Variants in LPP observed in about 807,000 individuals in gnomAD.
The protein encoded by LPP is lipoma-preferred partner.
LPP carries 38 observed loss-of-function variants against 60.4 expected under a neutral mutation model. The observed-to-expected ratio is 0.63, with a 90% CI of 0.49 to 0.83. LPP has a LOEUF of 0.83. Ranked by LOEUF, LPP falls within the 40% of genes least tolerant of loss-of-function variation. The pLI, the probability that LPP is intolerant of heterozygous loss-of-function variation, is 0.00. For missense variants in LPP, 902 were observed against 783.6 expected, an observed-to-expected ratio of 1.15 and a Z score of -1.80; for synonymous variants, 328 against 290.8, an observed-to-expected ratio of 1.13 and a Z score of -1.30.
intron 8 of LPP, among the ~76,000 whole-genome samples, chr3:188,740,493 C>A (rs185890421): frequency 3.3e-5 from 5 of 152,134 alleles, no homozygotes; most frequent in Admixed American, 6.5e-5. Context: ...TTTTATTCCA[C>A]AATGTTAGAA....
At chr3:188,591,954 C>T (rs186233869) in intron 6 of LPP, among the ~76,000 whole-genome samples, 20 of 152,316 alleles carry the variant, frequency 1.3e-4, no homozygotes, top group African/African-American at 4.8e-4. Flanking sequence ...ATCTGATACA[C>T]ATGAGAAGTG....
At chr3:188,852,339 C>T (rs910253297) in intron 9 of LPP, among the ~76,000 whole-genome samples, 1 of 152,146 alleles carries the variant, frequency 6.6e-6, no homozygotes, top group Non-Finnish European at 1.5e-5. Context: ...AGGTATCTCC[C>T]TCTATCTGCA....
chr3:188,661,005 T>A (rs1456503283), intron 7 of LPP, among the ~76,000 whole-genome samples: 1 of 152,176 alleles, frequency 6.6e-6, no homozygotes, highest in African/African-American at 2.4e-5. Context: ...TATTATTACT[T>A]TCTCCCCCAA....
chr3:188,408,941 A>G (rs1784297560), intron 4 of LPP, among the ~76,000 whole-genome samples: 1 of 152,062 alleles, frequency 6.6e-6, no homozygotes. Flanking sequence ...CATCCCTTAT[A>G]AGAATATATA....
At chr3:188,504,594 G>GAA (rs1560490727) in intron 5 of LPP, among the ~76,000 whole-genome samples, 2 of 152,044 alleles carry the variant, frequency 1.3e-5, no homozygotes, top group Non-Finnish European at 2.9e-5. Flanking sequence ...TACTGTTACC[G>GAA]TTTGTATTTT....
intron 4 of LPP, among the ~76,000 whole-genome samples, chr3:188,422,949 G>A (rs1271111738): frequency 2.7e-5 from 4 of 150,748 alleles, no homozygotes; most frequent in African/African-American, 9.7e-5. Flanking sequence ...GTGTGTGTGT[G>A]TGTGTGTGTT....
In LPP at chr3:188,874,519, A is replaced by G. The variant is rs1769017600; in HGVS notation, c.*40A>G. On this transcript the variant is annotated 3_prime_UTR_variant, in exon 12 of 12. Coordinates refer to ENST00000617246, the MANE Select transcript of LPP (RefSeq NM_001375462.1). ...TCAGCCGGCACTGAGAAGAACGAAC[A>G]CAAGAAAAAGATAAGAAATACTAGA... is the stretch of plus-strand genomic sequence containing the variant. 8 of 1,599,552 alleles carry G rather than the reference A, an allele frequency of 5.0e-6. No individual in the cohort carries two copies. Among genetic ancestry groups the G allele is most frequent in the African/African-American group, 2.7e-5 (2 of 74,648 alleles).
At chr3:188,765,613 A>G (rs1392528402) in intron 9 of LPP, among the ~76,000 whole-genome samples, 1 of 152,208 alleles carries the variant, frequency 6.6e-6, no homozygotes, top group Admixed American at 6.5e-5. Context: ...GATGTTTTCA[A>G]AGTAAATGAC....
intron 9 of LPP, among the ~76,000 whole-genome samples, chr3:188,828,640 A>AAAAAAAAAAAAT (rs1756306374): frequency 6.8e-6 from 1 of 146,976 alleles, no homozygotes; most frequent in African/African-American, 2.5e-5. Context: ...AAAAAAAAAA[A>AAAAAAAAAAAAT]CTCAGCTGCA....
rs148396375 is a variant in LPP, at chr3:188,352,736, G to A, written c.-10+11017G>A. 0.036 allele frequency among the ~76,000 whole-genome samples: 5,473 copies of A among 152,204 alleles called. 133 individuals are homozygous for A. Among genetic ancestry groups the A allele is most frequent in the Non-Finnish European group, 0.059 (3,987 of 68,018 alleles). Reference sequence around the variant, plus strand: ...ACGGCACTGAGCCCTGCCTGAGTGCGCACTTCAGTCCTGAAAGCTGCAGAG... The same window carrying A: ...ACGGCACTGAGCCCTGCCTGAGTGCACACTTCAGTCCTGAAAGCTGCAGAG... On this transcript the variant is annotated intron_variant, in intron 3 of 11. Coordinates refer to ENST00000617246, the MANE Select transcript of LPP (RefSeq NM_001375462.1). The surrounding 1 kb of genome is among the most constrained non-coding windows in gnomAD (Gnocchi z 4.4).
chr3:188,324,675 C>T (rs972628989), intron 2 of LPP, among the ~76,000 whole-genome samples: 8 of 152,206 alleles, frequency 5.3e-5, no homozygotes, highest in Non-Finnish European at 8.8e-5. Context: ...GCAATAGTCT[C>T]TGAAATTGTC....
At chr3:188,287,411 T>C (rs1744314128) in intron 2 of LPP, among the ~76,000 whole-genome samples, 1 of 152,168 alleles carries the variant, frequency 6.6e-6, no homozygotes, top group South Asian at 2.1e-4. Flanking sequence ...ATCGAGGAAA[T>C]GGCAAAATCA....
intron 5 of LPP, among the ~76,000 whole-genome samples, chr3:188,498,550 C>T (rs542094235): frequency 2.3e-4 from 35 of 152,226 alleles, no homozygotes; most frequent in African/African-American, 7.7e-4. Flanking sequence ...TCTGCTTATC[C>T]GTTCTTGTTA....
intron 6 of LPP, among the ~76,000 whole-genome samples, chr3:188,588,989 G>A (rs1390827143): frequency 1.3e-5 from 2 of 151,942 alleles, no homozygotes; most frequent in Non-Finnish European, 2.9e-5. Context: ...AGTTTATTTT[G>A]CCTCTTTTGC....
In LPP at chr3:188,598,288, T is replaced by C. The variant is rs150451078; in HGVS notation, c.430-10873T>C. Among the ~76,000 whole-genome samples the C allele has an allele frequency of 1.3e-3, 198 of 152,256 alleles. 1 individual carries two copies. Among genetic ancestry groups the C allele is most frequent in the African/African-American group, 4.5e-3 (189 of 41,566 alleles). On this transcript the variant is annotated intron_variant, in intron 6 of 11. Coordinates refer to ENST00000617246, the MANE Select transcript of LPP (RefSeq NM_001375462.1). ...TTTTAATACAGGAAGGCAATGATCA[T>C]ATTTGAGTTCTTAAAATTTGATTTT...
Position 188,874,601 on chromosome 3 carries a change from CT to C in LPP, c.*124del. The C allele has an allele frequency of 1.8e-6, 2 of 1,091,766 alleles. No individual in the cohort carries two copies. Among genetic ancestry groups the C allele is most frequent in the Non-Finnish European group, 1.3e-6 (1 of 780,836 alleles). The allele number at this position is 1,091,766 out of a possible 1,614,324, so 67.6% of individuals were successfully genotyped here. A position where few individuals can be genotyped will look rare whatever the true frequency, so the allele number is the denominator to read the frequency against. On this transcript the variant is annotated 3_prime_UTR_variant, in exon 12 of 12. Transcript: ENST00000617246. Reference sequence around the variant, plus strand: ...GTTCTTCATCTGCTATTAACCTTGCCTTAGAAACACATAAATTATGAGATTT... The same window carrying C: ...GTTCTTCATCTGCTATTAACCTTGCCTAGAAACACATAAATTATGAGATTT...
chr3:188,577,384 A>G (rs1306751253), intron 6 of LPP, among the ~76,000 whole-genome samples: 1 of 152,076 alleles, frequency 6.6e-6, no homozygotes, highest in Non-Finnish European at 1.5e-5. Context: ...ATTTTCATAC[A>G]TATAGAAGTA....
intron 4 of LPP, among the ~76,000 whole-genome samples, chr3:188,463,484 G>C (rs59520102): frequency 0.015 from 2,323 of 152,040 alleles, 58 homozygotes; most frequent in African/African-American, 0.052. Flanking sequence ...AATATATTTG[G>C]CAATTATATC....
intron 9 of LPP, among the ~76,000 whole-genome samples, chr3:188,803,744 G>A (rs1199097225): frequency 1.3e-5 from 2 of 152,164 alleles, no homozygotes; most frequent in Non-Finnish European, 2.9e-5. Context: ...TAGAAATCAG[G>A]TAGTACGGTT....
Sources: allele counts gnomAD v4.1 joint callset (sites outside exome capture counted in the v4.1 genomes callset), GRCh38; gene constraint gnomAD v4.1.1; non-coding constraint Gnocchi (gnomAD v3.1); transcripts MANE v1.5; gene names NCBI Gene and HGNC (gene_info 2026-07-23, HGNC 2026-07-21).